LCMT1: variants seen among roughly 807,000 people sequenced by gnomAD.
The protein encoded by LCMT1 is [Phosphatase 2A protein]-leucine-carboxy methyltransferase 1.
In LCMT1, 32 loss-of-function variants were observed where a neutral mutation model predicts 47.7. That is an observed-to-expected ratio of 0.67 (90% CI 0.51 to 0.90). The LOEUF (loss-of-function observed/expected upper bound fraction) is 0.90. Among genes scored for constraint, LCMT1 ranks in the 40% least tolerant of loss-of-function variants. The pLI, the probability that LCMT1 is intolerant of heterozygous loss-of-function variation, is 0.00. For synonymous variants in LCMT1, 152 were observed against 149.7 expected (o/e 1.02, Z -0.11); for missense variants, 375 against 415.2 (o/e 0.90, Z 0.84).
At chr16:25,134,947 G>A (rs1268822265) in intron 3 of LCMT1, among the ~76,000 whole-genome samples, 1 of 152,102 alleles carries the variant, frequency 6.6e-6, no homozygotes, top group Non-Finnish European at 1.5e-5. Flanking sequence ...GTGGTGTGAG[G>A]AACCAGAGCA....
chr16:25,177,386 TAA>T (rs1264579972), intron 10 of LCMT1, among the ~76,000 whole-genome samples: 2 of 152,208 alleles, frequency 1.3e-5, no homozygotes, highest in African/African-American at 2.4e-5. Flanking sequence ...GTTTTTATAA[TAA>T]GAGTTGAATT....
At chr16:25,177,883 T>TGCTACAGTGGTCAGCAGTGTGGC in intron 10 of LCMT1, 118 bp from the exon 11 acceptor site, 1 of 820,742 alleles carries the variant, frequency 1.2e-6, no homozygotes, top group Non-Finnish European at 2.1e-6. Context: ...AGGAGGGCGG[T>TGCTACAGTGGTCAGCAGTGTGGC]GCTACAGTGG....
At chr16:25,156,359 G>A (rs1438396089) in intron 5 of LCMT1, among the ~76,000 whole-genome samples, 1 of 152,218 alleles carries the variant, frequency 6.6e-6, no homozygotes, top group Non-Finnish European at 1.5e-5. Flanking sequence ...TGCACCAAGA[G>A]CAGTGCCTAG....
intron 4 of LCMT1, among the ~76,000 whole-genome samples, chr16:25,149,295 A>G (rs1960994429): frequency 6.6e-6 from 1 of 152,166 alleles, no homozygotes; most frequent in African/African-American, 2.4e-5. Flanking sequence ...GTGTGGCCCA[A>G]GACAGTTCTT....
intron 8 of LCMT1, chr16:25,169,471 G>A (rs1007679587): frequency 1.5e-5 from 5 of 335,574 alleles, no homozygotes; most frequent in African/African-American, 2.0e-5. Context: ...AGAGGGAATG[G>A]TGAAATAAAC....
At chr16:25,112,049 G>A in intron 1 of LCMT1, 53 bp downstream of exon 1, 1 of 1,209,896 alleles carries the variant, frequency 8.3e-7, no homozygotes, top group East Asian at 2.4e-5. Flanking sequence ...GGGCCTAGGT[G>A]GGAGGTGGGC....
chr16:25,130,592 G>A (rs1180139577), intron 2 of LCMT1, among the ~76,000 whole-genome samples: 1 of 152,122 alleles, frequency 6.6e-6, no homozygotes, highest in Non-Finnish European at 1.5e-5. Flanking sequence ...GCTGCAGTGA[G>A]CCAGGATTGT....
rs73561393 is a variant in LCMT1, at chr16:25,117,528, A to C, written c.113+5532A>C. Among the ~76,000 whole-genome samples the C allele has an allele frequency of 8.7e-3, 1,317 of 152,204 alleles. 26 individuals are homozygous for C. The highest frequency in any genetic ancestry group is 0.03 in the African/African-American group (1,262 of 41,522). On this transcript the variant is annotated intron_variant, in intron 1 of 10. Transcript: ENST00000399069. ...TGTTCTCCCTGCCATTCCCAACCTG[A>C]AACTCAGTGAATGGTGCCATGGTTT...
chr16:25,135,025 C>T (rs564194320), intron 3 of LCMT1, among the ~76,000 whole-genome samples: 2 of 152,240 alleles, frequency 1.3e-5, no homozygotes, highest in South Asian at 4.1e-4. Context: ...GCCATTGGAC[C>T]TGAGACCCCG....
chr16:25,120,981 A>G (rs1372865235), intron 1 of LCMT1, among the ~76,000 whole-genome samples: 3 of 141,634 alleles, frequency 2.1e-5, no homozygotes, highest in African/African-American at 5.3e-5. Context: ...ACTGGTCTCA[A>G]ACTCCTGGGC....
At chr16:25,166,732 C>T (rs1317499980) in intron 7 of LCMT1, among the ~76,000 whole-genome samples, 2 of 152,194 alleles carry the variant, frequency 1.3e-5, no homozygotes, top group Non-Finnish European at 2.9e-5. Context: ...AGCCCTTGGT[C>T]TCTCAGCCTC....
intron 5 of LCMT1, among the ~76,000 whole-genome samples, chr16:25,160,053 C>A (rs772223691): frequency 2.0e-4 from 30 of 151,842 alleles, no homozygotes; most frequent in Middle Eastern, 6.8e-3. Flanking sequence ...GCAACCTCCG[C>A]TTCCCAGGTT....
chr16:25,177,707 C>T (rs1317275293), intron 10 of LCMT1, among the ~76,000 whole-genome samples: 2 of 152,176 alleles, frequency 1.3e-5, no homozygotes, highest in African/African-American at 2.4e-5. Context: ...TGTGGAAGAT[C>T]CGTATCTGCC....
At chr16:25,130,112 G>A (rs530225995) in intron 2 of LCMT1, among the ~76,000 whole-genome samples, 209 of 150,696 alleles carry the variant, frequency 1.4e-3, no homozygotes, top group African/African-American at 4.5e-3. Flanking sequence ...AGGCCGAGGC[G>A]GGCGGACCAC....
At position 25,132,389 on chromosome 16, in the gene LCMT1, C is replaced by T; in HGVS notation, c.206-13C>T. 6.2e-7 allele frequency: 1 copy of T among 1,612,822 alleles called. No homozygotes were observed. Among genetic ancestry groups the T allele is most frequent in the South Asian group, 1.1e-5 (1 of 91,028 alleles). ...GGGTGATAGCTTGTTTCTGTGCCTC[C>T]CCTCCCCCCTAGGATATTTTGCTCG... On this transcript the variant is annotated splice_polypyrimidine_tract_variant and intron_variant, in intron 2 of 10. Transcript: ENST00000399069.
chr16:25,154,355 T>TGA (rs1220206517), intron 5 of LCMT1, among the ~76,000 whole-genome samples: 3 of 152,120 alleles, frequency 2.0e-5, no homozygotes, highest in African/African-American at 7.2e-5. Flanking sequence ...TGAATGCTAG[T>TGA]GAGATGGAGC....
chr16:25,112,094 A>C (rs1597550458), intron 1 of LCMT1, 98 bp downstream of exon 1: 1 of 804,636 alleles, frequency 1.2e-6, no homozygotes, highest in Admixed American at 2.0e-5. Flanking sequence ...GCTGGCAGGG[A>C]TGCAGCCCCC....
intron 2 of LCMT1, 33 bp downstream of exon 2, chr16:25,128,599 C>T: frequency 1.3e-6 from 2 of 1,482,114 alleles, no homozygotes; most frequent in Non-Finnish European, 1.9e-6. Flanking sequence ...AACAGCACCT[C>T]ATCAGCTACC....
At position 25,128,507 on chromosome 16, in the gene LCMT1, C is replaced by A; in HGVS notation, c.146C>A (p.Pro49His). Reference sequence around the variant, plus strand: ...GTAAGCATTGGCTACTGGCATGACCCTTACATACAGCACTTTGTGAGACTG... The same window carrying A: ...GTAAGCATTGGCTACTGGCATGACCATTACATACAGCACTTTGTGAGACTG... ...FAVSIGYWHD[P>H]YIQHFVRLSK... The change falls in exon 2 of 11, where the codon CCT becomes CAT. Residue 49 changes from proline to histidine, a missense_variant. Physicochemically the swap from Pro to His is moderately conservative, Grantham distance 77 (BLOSUM62 -2). Coordinates refer to ENST00000399069, the MANE Select transcript of LCMT1 (RefSeq NM_016309.3). 1 of 1,610,892 alleles carries A rather than the reference C, an allele frequency of 6.2e-7. No individual in the cohort carries two copies. The highest frequency in any genetic ancestry group is 8.5e-7 in the Non-Finnish European group (1 of 1,178,612).
Sources: gnomAD v4.1 joint callset for allele counts (sites outside exome capture counted in the v4.1 genomes callset) on GRCh38, gnomAD v4.1.1 for gene constraint, MANE v1.5 for transcripts, NCBI Gene and HGNC (gene_info 2026-07-23, HGNC 2026-07-21) for gene names.